HDLBP: variants seen among roughly 807,000 people sequenced by gnomAD.
HDLBP encodes high density lipoprotein binding protein, also known as vigilin.
Under a neutral mutation model 137.3 loss-of-function variants are expected in HDLBP, and 30 were observed. The ratio of observed to expected loss-of-function variants is 0.22; its 90% CI spans 0.16 to 0.30. The LOEUF (loss-of-function observed/expected upper bound fraction) is 0.30. Ranked by LOEUF, HDLBP falls within the 10% of genes least tolerant of loss-of-function variation. HDLBP has a pLI of 1.00. For synonymous variants in HDLBP, 606 were observed against 596.0 expected, an observed-to-expected ratio of 1.02 and a Z score of -0.24; for missense variants, 1,119 against 1,667.3, an observed-to-expected ratio of 0.67 and a Z score of 5.73.
chr2:241,265,640 G>A (rs113130114), intron 3 of HDLBP, among the ~76,000 whole-genome samples: 9 of 152,182 alleles, frequency 5.9e-5, no homozygotes, highest in African/African-American at 1.4e-4. Context: ...TGAGCATGGC[G>A]TCTTGGCAAT....
chr2:241,243,696 G>A (rs1346193485), intron 16 of HDLBP: 2 of 152,326 alleles, frequency 1.3e-5, no homozygotes, highest in African/African-American at 4.8e-5. Flanking sequence ...TCTGGGACGT[G>A]GAGTACTCAG....
chr2:241,291,893 G>A (rs1002938259), intron 1 of HDLBP, among the ~76,000 whole-genome samples: 6 of 152,210 alleles, frequency 3.9e-5, no homozygotes, highest in Non-Finnish European at 8.8e-5. Context: ...GAAAAGGCCA[G>A]GAAGCAGATA....
At position 241,235,112 on chromosome 2, in the gene HDLBP, C is replaced by T. The variant is rs761991055; in HGVS notation, c.3144+9G>A. ...GCTCTGGGCAGTGCCCCGGCCACCTCCTGCTCACCCGGTCCTCCTGCTCGG... is the reference window on the plus strand; with the variant it reads ...GCTCTGGGCAGTGCCCCGGCCACCTTCTGCTCACCCGGTCCTCCTGCTCGG... On this transcript the variant is annotated intron_variant, in intron 23 of 27. Transcript: ENST00000310931. 10 of 1,611,782 alleles carry T rather than the reference C, an allele frequency of 6.2e-6. No homozygotes were observed. The highest frequency in any genetic ancestry group is 8.5e-6 in the Non-Finnish European group (10 of 1,179,780).
intron 1 of HDLBP, chr2:241,273,684 G>C (rs2074279428): frequency 2.0e-6 from 2 of 984,768 alleles, no homozygotes; most frequent in South Asian, 4.7e-5. Flanking sequence ...ATCAACTACA[G>C]GTATCTGGGG....
At chr2:241,298,390 T>A (rs908515255) in intron 1 of HDLBP, among the ~76,000 whole-genome samples, 8 of 151,282 alleles carry the variant, frequency 5.3e-5, no homozygotes, top group African/African-American at 1.5e-4. Context: ...ATGAAAAAAA[T>A]AAATAGATAA....
intron 1 of HDLBP, among the ~76,000 whole-genome samples, chr2:241,313,854 G>A (rs1040821180): frequency 4.6e-5 from 7 of 152,168 alleles, no homozygotes; most frequent in African/African-American, 1.7e-4. Flanking sequence ...CGTGATATAG[G>A]TCAACTATAT....
chr2:241,281,475 C>T (rs1256159539), intron 1 of HDLBP, among the ~76,000 whole-genome samples: 5 of 152,114 alleles, frequency 3.3e-5, no homozygotes, highest in Non-Finnish European at 7.4e-5. Context: ...GAGTTGAGAT[C>T]GTGACACTGC....
In HDLBP at chr2:241,242,622, A is replaced by G. The variant is rs141911333; in HGVS notation, c.2007T>C (p.Ile669=). 1.2e-4 allele frequency: 201 copies of G among 1,614,194 alleles called. No individual in the cohort carries two copies. In the African/African-American group the frequency reaches 2.4e-3, roughly 19 times the overall value. The change falls in exon 17 of 28, where the codon ATT becomes ATC. Residue 669 remains isoleucine, a synonymous_variant. Transcript: ENST00000310931. The stretch of plus-strand genomic sequence containing the variant: ...AGCGGATCAGACGGCCCTTGGTGCC[A>G]ATGAGGGAGTTGTGCAGCTTGGCAG... ...SIPAKLHNSL[I]GTKGRLIRSI...
chr2:241,262,430 AGAC>A (rs1418773358), intron 5 of HDLBP, among the ~76,000 whole-genome samples: 2 of 151,464 alleles, frequency 1.3e-5, no homozygotes, highest in Non-Finnish European at 2.9e-5. Context: ...ACAAGAGCCT[AGAC>A]AACAAGGTGA....
At position 241,238,306 on chromosome 2, in the gene HDLBP, A is replaced by C; in HGVS notation, c.2749+343T>G. On this transcript the variant is annotated intron_variant, in intron 20 of 27. Transcript: ENST00000310931. This position sits in a 1 kb window ranked among gnomAD's most constrained non-coding sequence, Gnocchi z 4.9. ...CAGTGATGGGAGATGTGGAGGAGGA[A>C]GCTCTACGACGGGGCTCATGCGATC... The C allele has an allele frequency of 5.9e-6, 1 of 168,262 alleles. No homozygotes were observed. Among genetic ancestry groups the C allele is most frequent in the Non-Finnish European group, 1.3e-5 (1 of 78,834 alleles). The allele number at this position is 168,262 out of a possible 1,614,324, so 10.4% of individuals were successfully genotyped here.
Position 241,238,853 on chromosome 2 carries a change from A to G in HDLBP, c.2611-66T>C. The G allele has an allele frequency of 7.5e-7, 1 of 1,341,516 alleles. No homozygotes were observed. The highest frequency in any genetic ancestry group is 1.0e-6 in the Non-Finnish European group (1 of 990,996). The allele number at this position is 1,341,516 out of a possible 1,614,324, so 83.1% of individuals were successfully genotyped here. On this transcript the variant is annotated intron_variant, in intron 19 of 27. Coordinates refer to ENST00000310931, the MANE Select transcript of HDLBP (RefSeq NM_005336.6). This position sits in a 1 kb window ranked among gnomAD's most constrained non-coding sequence, Gnocchi z 4.9. The stretch of plus-strand genomic sequence containing the variant: ...TTAAATTCCTTAGGGCAAGTTTTAC[A>G]GCACTCTTCACACCACCTTCCTCCC...
chr2:241,280,645 G>A (rs2074562203), intron 1 of HDLBP, among the ~76,000 whole-genome samples: 1 of 152,198 alleles, frequency 6.6e-6, no homozygotes, highest in Non-Finnish European at 1.5e-5. Flanking sequence ...CACCTATAAT[G>A]AGAACAAATT....
chr2:241,274,016 GA>G (rs1478381899), intron 1 of HDLBP, among the ~76,000 whole-genome samples: 2 of 152,212 alleles, frequency 1.3e-5, no homozygotes, highest in African/African-American at 4.8e-5. Flanking sequence ...GAAGCACCAA[GA>G]AGTTCCTTAT....
intron 1 of HDLBP, among the ~76,000 whole-genome samples, chr2:241,300,931 C>A (rs2075372780): frequency 6.6e-6 from 1 of 150,758 alleles, no homozygotes; most frequent in Non-Finnish European, 1.5e-5. Flanking sequence ...TCAAAGTGAA[C>A]TGATTTCATG....
At chr2:241,294,755 CTGTTCT>C (rs2075119234) in intron 1 of HDLBP, among the ~76,000 whole-genome samples, 1 of 152,184 alleles carries the variant, frequency 6.6e-6, no homozygotes, top group Non-Finnish European at 1.5e-5. Context: ...TAAGAATGGT[CTGTTCT>C]AGGGATACAG....
chr2:241,252,022 T>C (rs1341738461), intron 11 of HDLBP, among the ~76,000 whole-genome samples: 1 of 152,094 alleles, frequency 6.6e-6, no homozygotes, highest in Non-Finnish European at 1.5e-5. Flanking sequence ...TGCAGCAGAA[T>C]GCCCACGACA....
rs371566598 is a variant in HDLBP, at chr2:241,236,660, G to A, written c.2859C>T (p.Ile953=). The change falls in exon 21 of 28, where the codon ATC becomes ATT. Residue 953 remains isoleucine, a synonymous_variant. Transcript: ENST00000310931. The stretch of plus-strand genomic sequence containing the variant: ...CCTCACACTTTTCTTTCCGGCCAGA[G>A]ATGATGATGATGTCACACCTCCTTG... ...GSPRRCDIII[I]SGRKEKCEAA... 1.1e-5 allele frequency: 17 copies of A among 1,613,950 alleles called. No individual in the cohort carries two copies. The Middle Eastern group carries it at 1.5e-3, about 141-fold the overall frequency.
chr2:241,235,085 T>C lies in HDLBP; in HGVS notation c.3144+36A>G, dbSNP rs972746902. 3 of 1,605,664 alleles carry C rather than the reference T, an allele frequency of 1.9e-6. No individual in the cohort carries two copies. The African/African-American group carries it at 4.0e-5, about 21-fold the overall frequency. On this transcript the variant is annotated intron_variant, in intron 23 of 27. Transcript: ENST00000310931. ...GACATGTGCCCAAAGCTGAGCACCA[T>C]GGCTCTGGGCAGTGCCCCGGCCACC...
At chr2:241,267,215 AAAAAC>A (rs969866571) in intron 2 of HDLBP, among the ~76,000 whole-genome samples, 2 of 152,178 alleles carry the variant, frequency 1.3e-5, no homozygotes, top group African/African-American at 2.4e-5. Flanking sequence ...ATAAACAAAC[AAAAAC>A]AAAACAAAAC....
Sources: allele counts gnomAD v4.1 joint callset (sites outside exome capture counted in the v4.1 genomes callset), GRCh38; gene constraint gnomAD v4.1.1; non-coding constraint Gnocchi (gnomAD v3.1); transcripts MANE v1.5; gene names NCBI Gene and HGNC (gene_info 2026-07-23, HGNC 2026-07-21).